The following ADARB2 variants were observed in gnomAD, a reference collection of about 807,000 sequenced individuals.
The protein encoded by ADARB2 is inactive double-stranded RNA-specific editase B2.
In ADARB2, 25 loss-of-function variants were observed where a neutral mutation model predicts 62.2. The ratio of observed to expected loss-of-function variants is 0.40; its 90% confidence interval spans 0.29 to 0.56. ADARB2 has a LOEUF of 0.56. Ranked by LOEUF, ADARB2 falls within the 20% of genes least tolerant of loss-of-function variation. The probability of loss-of-function intolerance (pLI) is 0.43; values close to 1 mark genes in which losing one functional copy is unlikely to be tolerated. For synonymous variants in ADARB2, 572 were observed against 500.8 expected (o/e 1.14, Z -1.90); for missense variants, 1,071 against 1,077.4 (o/e 0.99, Z 0.08).
intron 1 of ADARB2, among the ~76,000 whole-genome samples, chr10:1,611,614 C>T (rs1396501560): frequency 2.0e-5 from 3 of 152,152 alleles, no homozygotes; most frequent in African/African-American, 4.8e-5. Flanking sequence ...GAACAGGGCA[C>T]GGTGCCCCCA....
At chr10:1,510,154 TTC>T (rs749886287) in intron 1 of ADARB2, among the ~76,000 whole-genome samples, 16 of 138,066 alleles carry the variant, frequency 1.2e-4, no homozygotes, top group East Asian at 4.1e-4. Context: ...CTTTCTTTCT[TTC>T]TTTCTTTCTT....
chr10:1,309,883 C>T (rs1500964), intron 3 of ADARB2, among the ~76,000 whole-genome samples: 67,524 of 152,136 alleles, frequency 0.44, 16,477 homozygotes, highest in South Asian at 0.69. Flanking sequence ...CAGTTCCCAG[C>T]CTCTGCAGCT....
chr10:1,721,589 G>A (rs1835092746), intron 1 of ADARB2, among the ~76,000 whole-genome samples: 1 of 152,228 alleles, frequency 6.6e-6, no homozygotes, highest in Admixed American at 6.5e-5. Flanking sequence ...CTTTGCACAG[G>A]AAGGTATTTT....
chr10:1,307,887 A>C (rs1362782223), intron 3 of ADARB2, among the ~76,000 whole-genome samples: 6 of 129,798 alleles, frequency 4.6e-5, no homozygotes, highest in East Asian at 5.0e-4. Context: ...CAATGAGATC[A>C]CATGGACACA....
intron 1 of ADARB2, among the ~76,000 whole-genome samples, chr10:1,433,849 T>A (rs79446083): frequency 0.081 from 12,351 of 152,264 alleles, 552 homozygotes; most frequent in South Asian, 0.19. Flanking sequence ...TGTAATAATT[T>A]TATAAATATA....
chr10:1,340,758 T>G (rs71491371), intron 3 of ADARB2, among the ~76,000 whole-genome samples: 1 of 81,236 alleles, frequency 1.2e-5, no homozygotes, highest in Non-Finnish European at 2.4e-5. Flanking sequence ...GAGAACCACG[T>G]GCCCCACAGC....
At chr10:1,653,184 C>T (rs1268274902) in intron 1 of ADARB2, among the ~76,000 whole-genome samples, 3 of 152,330 alleles carry the variant, frequency 2.0e-5, no homozygotes, top group South Asian at 2.1e-4. Flanking sequence ...AAATATGGGG[C>T]TGCTGCCACA....
intron 1 of ADARB2, among the ~76,000 whole-genome samples, chr10:1,478,276 G>A (rs1011125381): frequency 2.0e-5 from 3 of 152,176 alleles, no homozygotes; most frequent in Non-Finnish European, 2.9e-5. Flanking sequence ...TGGGAACAGC[G>A]TCACGGACAT....
chr10:1,562,724 C>A (rs1832801749), intron 1 of ADARB2, among the ~76,000 whole-genome samples: 1 of 152,242 alleles, frequency 6.6e-6, no homozygotes, highest in Admixed American at 6.5e-5. Context: ...CAGTTACCAG[C>A]CTGCCATGAT....
intron 1 of ADARB2, among the ~76,000 whole-genome samples, chr10:1,550,699 C>T (rs562051975): frequency 2.6e-4 from 39 of 152,080 alleles, no homozygotes; most frequent in South Asian, 2.1e-3. Flanking sequence ...TTGTTAGGGT[C>T]GTGGGAGCTA....
At chr10:1,430,283 A>G (rs922248489) in intron 1 of ADARB2, among the ~76,000 whole-genome samples, 2 of 152,262 alleles carry the variant, frequency 1.3e-5, no homozygotes, top group African/African-American at 4.8e-5. Flanking sequence ...TAGAATCCTT[A>G]AGAATATTCA....
intron 1 of ADARB2, among the ~76,000 whole-genome samples, chr10:1,529,463 G>A (rs1227422674): frequency 6.6e-6 from 1 of 152,152 alleles, no homozygotes; most frequent in South Asian, 2.1e-4. Flanking sequence ...CAGCACCCAC[G>A]AGACATCTGC....
rs74119497 is a variant in ADARB2 at position 1,362,780 on chromosome 10, C to T, written c.1077+248G>A. Among the ~76,000 whole-genome samples the T allele has an allele frequency of 4.2e-3, 641 of 152,324 alleles. 5 individuals are homozygous for T. Among genetic ancestry groups the T allele is most frequent in the African/African-American group, 0.015 (604 of 41,572 alleles). ...GTCCCTCCCCCTGCAGACAGAGGCG[C>T]CCTGGCCGCTCCCCACCCGGCCTCG... On this transcript the variant is annotated intron_variant, in intron 3 of 9. Transcript: ENST00000381312.
At chr10:1,678,392 C>T (rs1443899324) in intron 1 of ADARB2, 2 of 956,542 alleles carry the variant, frequency 2.1e-6, no homozygotes, top group African/African-American at 3.5e-5. Context: ...GGCTGAGTGT[C>T]CTTGGGGTGA....
At chr10:1,584,371 C>T (rs943444195) in intron 1 of ADARB2, among the ~76,000 whole-genome samples, 1 of 152,100 alleles carries the variant, frequency 6.6e-6, no homozygotes, top group East Asian at 1.9e-4. Flanking sequence ...CTAGAGAACG[C>T]AGATAAAAAC....
At chr10:1,393,143 T>A (rs562232473) in intron 1 of ADARB2, among the ~76,000 whole-genome samples, 1 of 152,340 alleles carries the variant, frequency 6.6e-6, no homozygotes, top group African/African-American at 2.4e-5. Context: ...AAATTTGAGC[T>A]ATTGGTGGAA....
intron 1 of ADARB2, among the ~76,000 whole-genome samples, chr10:1,582,699 T>G (rs1303147191): frequency 6.6e-6 from 1 of 152,140 alleles, no homozygotes; most frequent in South Asian, 2.1e-4. Flanking sequence ...CTAACACTAG[T>G]GCAAATGCTA....
chr10:1,294,417 C>T (rs1274711649), intron 3 of ADARB2, among the ~76,000 whole-genome samples: 1 of 152,170 alleles, frequency 6.6e-6, no homozygotes, highest in Non-Finnish European at 1.5e-5. Flanking sequence ...TTCCTCATTT[C>T]TGTCAGCCAC....
chr10:1,628,325 T>C (rs549738214), intron 1 of ADARB2, among the ~76,000 whole-genome samples: 6 of 152,352 alleles, frequency 3.9e-5, no homozygotes, highest in South Asian at 4.1e-4. Flanking sequence ...TTTCTACCGA[T>C]GTTAGGCTGC....
Sources: gnomAD v4.1 joint callset for allele counts (sites outside exome capture counted in the v4.1 genomes callset) on GRCh38, gnomAD v4.1.1 for gene constraint, MANE v1.5 for transcripts, NCBI Gene and HGNC (gene_info 2026-07-23, HGNC 2026-07-21) for gene names.